Variants in ARL15 observed in about 807,000 individuals in gnomAD.
ARL15 encodes the protein ARF like GTPase 15.
ARL15 carries 19 observed loss-of-function variants against 25.2 expected under a neutral mutation model. The observed-to-expected ratio is 0.75, with a 90% CI of 0.53 to 1.10. The LOEUF (loss-of-function observed/expected upper bound fraction) is 1.10, where lower values mean the gene tolerates loss of function less well. Ranked by LOEUF, ARL15 falls within the 50% of genes least tolerant of loss-of-function variation. The probability of loss-of-function intolerance (pLI) is 0.00; values close to 1 mark genes in which losing one functional copy is unlikely to be tolerated. For synonymous variants in ARL15, 94 were observed against 86.8 expected (o/e 1.08, Z -0.46); for missense variants, 220 against 246.0 (o/e 0.89, Z 0.71).
intron 1 of ARL15, among the ~76,000 whole-genome samples, chr5:54,262,659 G>C (rs566916032): frequency 2.0e-5 from 3 of 152,010 alleles, no homozygotes; most frequent in Admixed American, 6.6e-5. Flanking sequence ...AAAGTATACT[G>C]ATCCTTTTGC....
chr5:53,975,764 C>G (rs1187599276), intron 4 of ARL15, among the ~76,000 whole-genome samples: 1 of 152,214 alleles, frequency 6.6e-6, no homozygotes, highest in Non-Finnish European at 1.5e-5. Context: ...ACAAGGCTTG[C>G]AGGTGGGTGA....
chr5:54,061,795 G>C (rs527492982), intron 4 of ARL15, among the ~76,000 whole-genome samples: 1 of 152,136 alleles, frequency 6.6e-6, no homozygotes, highest in African/African-American at 2.4e-5. Flanking sequence ...GTCCCTACTA[G>C]GGCACCGCCT....
At position 53,886,535 on chromosome 5, in the gene ARL15, T is replaced by C. The variant is rs1352034851; in HGVS notation, c.*26A>G. ...CTAACATGATAGGTTCAAGGCCTTT[T>C]GGGAGCCTGTTTTCTTTGCCAGATT... is the stretch of plus-strand genomic sequence containing the variant. On this transcript the variant is annotated 3_prime_UTR_variant, in exon 5 of 5. Coordinates refer to ENST00000504924, the MANE Select transcript of ARL15 (RefSeq NM_019087.3). 2.6e-6 allele frequency: 4 copies of C among 1,549,350 alleles called. No individual in the cohort carries two copies. The highest frequency in any genetic ancestry group is 2.4e-5 in the South Asian group (2 of 82,992).
chr5:54,035,554 C>T (rs920080130), intron 4 of ARL15, among the ~76,000 whole-genome samples: 2 of 152,040 alleles, frequency 1.3e-5, no homozygotes, highest in African/African-American at 4.8e-5. Context: ...TCATCTTTTC[C>T]AAATCAAGAT....
At chr5:54,185,882 G>C (rs1755222373) in intron 1 of ARL15, among the ~76,000 whole-genome samples, 1 of 152,058 alleles carries the variant, frequency 6.6e-6, no homozygotes, top group Admixed American at 6.6e-5. Flanking sequence ...CAGGGTTTAG[G>C]CTTATTTTAA....
intron 4 of ARL15, among the ~76,000 whole-genome samples, chr5:54,093,542 T>G (rs889603731): frequency 6.6e-6 from 1 of 152,170 alleles, no homozygotes; most frequent in Non-Finnish European, 1.5e-5. Context: ...ATTCTCATAA[T>G]GCAAAGACAG....
intron 4 of ARL15, among the ~76,000 whole-genome samples, chr5:54,015,906 G>A (rs901501976): frequency 3.2e-4 from 49 of 152,276 alleles, no homozygotes; most frequent in African/African-American, 1.1e-3. Flanking sequence ...TCAGGAAGAA[G>A]GCTGCTCTAT....
intron 4 of ARL15, among the ~76,000 whole-genome samples, chr5:53,991,350 T>C (rs1748484807): frequency 6.6e-6 from 1 of 152,046 alleles, no homozygotes; most frequent in African/African-American, 2.4e-5. Flanking sequence ...GAGACCAGCC[T>C]GACCAATATG....
rs1752791616 is a variant in ARL15 at position 54,113,183 on chromosome 5, T to C, written c.462+19A>G. On this transcript the variant is annotated intron_variant, in intron 4 of 4. Coordinates refer to ENST00000504924, the MANE Select transcript of ARL15 (RefSeq NM_019087.3). Reference sequence around the variant, plus strand: ...TACAAGCAAGGAAGACAAAGAGTTGTCATGCTAATGAGACATACCTCTTGT... The same window carrying C: ...TACAAGCAAGGAAGACAAAGAGTTGCCATGCTAATGAGACATACCTCTTGT... 1.2e-6 allele frequency: 2 copies of C among 1,610,316 alleles called. No homozygotes were observed. The highest frequency in any genetic ancestry group is 4.5e-5 in the East Asian group (2 of 44,834).
At chr5:54,290,829 T>A (rs1445828) in intron 1 of ARL15, among the ~76,000 whole-genome samples, 16,545 of 152,230 alleles carry the variant, frequency 0.11, 1,203 homozygotes, top group East Asian at 0.41. Flanking sequence ...TTTTCAGCAC[T>A]GTCCTTCTAC....
intron 3 of ARL15, among the ~76,000 whole-genome samples, chr5:54,146,644 T>C (rs1753920115): frequency 6.6e-6 from 1 of 152,080 alleles, no homozygotes; most frequent in Non-Finnish European, 1.5e-5. Flanking sequence ...CCAACACAAA[T>C]GTTCTGTGAG....
At chr5:54,263,032 CCACTTTGTTG>C (rs1447404602) in intron 1 of ARL15, among the ~76,000 whole-genome samples, 2 of 152,186 alleles carry the variant, frequency 1.3e-5, no homozygotes, top group African/African-American at 4.8e-5. Flanking sequence ...GGCAAATTTT[CCACTTTGTTG>C]CCACCATTGG....
chr5:53,993,358 C>T (rs1748569389), intron 4 of ARL15, among the ~76,000 whole-genome samples: 1 of 152,080 alleles, frequency 6.6e-6, no homozygotes, highest in African/African-American at 2.4e-5. Flanking sequence ...GCCTGTAATC[C>T]TAGCCTTTGT....
At chr5:53,908,331 CA>C (rs200939912) in intron 4 of ARL15, among the ~76,000 whole-genome samples, 4 of 151,058 alleles carry the variant, frequency 2.6e-5, no homozygotes, top group Non-Finnish European at 3.0e-5. Flanking sequence ...TGAAAATACT[CA>C]AAAAAAAATT....
At position 53,889,330 on chromosome 5, in the gene ARL15, T is replaced by A. The variant is rs182681882; in HGVS notation, c.463-2617A>T. 6.6e-5 allele frequency among the ~76,000 whole-genome samples: 10 copies of A among 152,324 alleles called. No homozygotes were observed. The East Asian group carries it at 1.9e-3, about 29-fold the overall frequency. On this transcript the variant is annotated intron_variant, in intron 4 of 4. Transcript: ENST00000504924. ...CCTACCAGACATAAAACAGTGAAGT[T>A]CAGCTACCTGTTAAAGGTTGGTTTC...
intron 1 of ARL15, among the ~76,000 whole-genome samples, chr5:54,175,638 T>C (rs1275565619): frequency 6.7e-6 from 1 of 148,704 alleles, no homozygotes; most frequent in East Asian, 2.0e-4. Flanking sequence ...CCCAGCCTTC[T>C]CTTCTCTTTC....
intron 4 of ARL15, among the ~76,000 whole-genome samples, chr5:53,968,682 T>C (rs979786682): frequency 2.6e-5 from 4 of 151,938 alleles, no homozygotes; most frequent in African/African-American, 7.3e-5. Context: ...TCATTCATTT[T>C]GTATTTTTAG....
intron 1 of ARL15, among the ~76,000 whole-genome samples, chr5:54,181,028 T>C (rs1755041353): frequency 6.6e-6 from 1 of 152,184 alleles, no homozygotes. Context: ...GTATGTGGAA[T>C]TCAAGATGAA....
intron 3 of ARL15, among the ~76,000 whole-genome samples, chr5:54,135,575 T>C (rs1753576439): frequency 6.6e-6 from 1 of 152,216 alleles, no homozygotes; most frequent in African/African-American, 2.4e-5. Context: ...GCTAAGATTA[T>C]TTTAACAAAG....
Sources: gnomAD v4.1 joint callset for allele counts (sites outside exome capture counted in the v4.1 genomes callset) on GRCh38, gnomAD v4.1.1 for gene constraint, MANE v1.5 for transcripts, NCBI Gene and HGNC (gene_info 2026-07-23, HGNC 2026-07-21) for gene names.